Variants in GRID1 observed in about 807,000 individuals in gnomAD.
GRID1 encodes the protein glutamate receptor ionotropic, delta-1.
GRID1 carries 28 observed loss-of-function variants against 98.0 expected under a neutral mutation model. The ratio of observed to expected loss-of-function variants is 0.29; its 90% CI spans 0.21 to 0.39. The LOEUF (loss-of-function observed/expected upper bound fraction) is 0.39. Among genes scored for constraint, GRID1 ranks in the 10% least tolerant of loss-of-function variants. The pLI is 1.00. For missense variants in GRID1, 1,111 were observed against 1,340.5 expected (o/e 0.83, Z 2.67); for synonymous variants, 553 against 538.5 (o/e 1.03, Z -0.37).
chr10:86,080,030 G>A (rs938076751), intron 4 of GRID1, among the ~76,000 whole-genome samples: 12 of 152,116 alleles, frequency 7.9e-5, no homozygotes, highest in Admixed American at 7.2e-4. Flanking sequence ...CATGGCCGAA[G>A]GCTGTTAAGA....
chr10:85,904,181 G>C (rs1035929747), intron 5 of GRID1, among the ~76,000 whole-genome samples: 2 of 152,174 alleles, frequency 1.3e-5, no homozygotes, highest in Non-Finnish European at 2.9e-5. Context: ...AATTAACCAA[G>C]ATGGAGTAAC....
chr10:85,699,112 C>T (rs1841425162), intron 12 of GRID1, among the ~76,000 whole-genome samples: 1 of 151,744 alleles, frequency 6.6e-6, no homozygotes, highest in Admixed American at 6.6e-5. Flanking sequence ...GAGTGCAGTG[C>T]TGTGATCTCA....
rs536418560 is a variant in GRID1, at chr10:86,234,747, G to A, written c.236-28099C>T. Among the ~76,000 whole-genome samples, 3 of 152,182 alleles carry A rather than the reference G, an allele frequency of 2.0e-5. No individual in the cohort carries two copies. The South Asian group carries it at 6.2e-4, about 32-fold the overall frequency. ...TTGTTTTCTACTTTGGAATGCTAAT[G>A]ATGAGAATGGGAGGGTGAGAAAGCA... On this transcript the variant is annotated intron_variant, in intron 2 of 15. Coordinates refer to ENST00000327946, the MANE Select transcript of GRID1 (RefSeq NM_017551.3).
At chr10:86,346,079 G>A (rs993214131) in intron 2 of GRID1, among the ~76,000 whole-genome samples, 1 of 152,188 alleles carries the variant, frequency 6.6e-6, no homozygotes, top group South Asian at 2.1e-4. Context: ...TCATTCTCTT[G>A]TAGCATGCTT....
chr10:85,853,147 G>A (rs1027449565), intron 8 of GRID1, among the ~76,000 whole-genome samples: 17 of 151,590 alleles, frequency 1.1e-4, no homozygotes, highest in African/African-American at 3.2e-4. Flanking sequence ...AGCTCTACAC[G>A]GCTCCCTCCC....
intron 8 of GRID1, among the ~76,000 whole-genome samples, chr10:85,826,179 T>C (rs775967784): frequency 3.0e-4 from 45 of 150,734 alleles, no homozygotes; most frequent in Non-Finnish European, 4.9e-4. Flanking sequence ...AAAAAAAAAA[T>C]ACAAAATTAG....
intron 11 of GRID1, among the ~76,000 whole-genome samples, chr10:85,723,787 T>C (rs913974926): frequency 6.6e-6 from 1 of 152,190 alleles, no homozygotes; most frequent in African/African-American, 2.4e-5. Flanking sequence ...TTATTCTCCT[T>C]ACATAACCTC....
At chr10:85,805,136 A>G (rs1168912717) in intron 8 of GRID1, among the ~76,000 whole-genome samples, 3 of 151,394 alleles carry the variant, frequency 2.0e-5, no homozygotes, top group East Asian at 3.9e-4. Flanking sequence ...ATAATAAAAT[A>G]TAGAAATAAA....
intron 8 of GRID1, among the ~76,000 whole-genome samples, chr10:85,781,440 T>C (rs929018899): frequency 6.6e-6 from 1 of 152,360 alleles, no homozygotes; most frequent in African/African-American, 2.4e-5. Flanking sequence ...TTTTGTAGTA[T>C]GTTTCTGACA....
At chr10:85,834,644 A>G (rs1842897059) in intron 8 of GRID1, among the ~76,000 whole-genome samples, 1 of 152,158 alleles carries the variant, frequency 6.6e-6, no homozygotes, top group Admixed American at 6.5e-5. Context: ...ATGAAAGGTA[A>G]AGGTACCTAA....
intron 8 of GRID1, among the ~76,000 whole-genome samples, chr10:85,832,710 T>A (rs1219658807): frequency 6.6e-6 from 1 of 152,084 alleles, no homozygotes; most frequent in Admixed American, 6.5e-5. Context: ...ACAGGGTGTC[T>A]TACGGCCCCC....
intron 2 of GRID1, among the ~76,000 whole-genome samples, chr10:86,320,840 C>G (rs1465458280): frequency 6.6e-6 from 1 of 152,096 alleles, no homozygotes; most frequent in Non-Finnish European, 1.5e-5. Flanking sequence ...TGGCTCACGC[C>G]TGTAATCCCA....
chr10:85,968,798 A>C (rs560309064), intron 4 of GRID1, among the ~76,000 whole-genome samples: 1 of 152,324 alleles, frequency 6.6e-6, no homozygotes, highest in South Asian at 2.1e-4. Flanking sequence ...CAAACACATA[A>C]GACATGTAGA....
chr10:86,033,856 G>A (rs1391511859), intron 4 of GRID1, among the ~76,000 whole-genome samples: 2 of 152,190 alleles, frequency 1.3e-5, no homozygotes, highest in Non-Finnish European at 2.9e-5. Flanking sequence ...AAACATGCTG[G>A]CTGCATTCCC....
intron 2 of GRID1, among the ~76,000 whole-genome samples, chr10:86,329,834 C>T (rs1848112130): frequency 6.6e-6 from 1 of 152,188 alleles, no homozygotes; most frequent in Non-Finnish European, 1.5e-5. Context: ...TGGCCACCTC[C>T]CTTGAAGCAA....
chr10:86,273,003 C>A (rs1847208577), intron 2 of GRID1, among the ~76,000 whole-genome samples: 1 of 152,078 alleles, frequency 6.6e-6, no homozygotes, highest in African/African-American at 2.4e-5. Flanking sequence ...TGCTGGTGTG[C>A]TACACCCATT....
chr10:86,068,548 T>C (rs140074236), intron 4 of GRID1, among the ~76,000 whole-genome samples: 8 of 152,338 alleles, frequency 5.3e-5, no homozygotes, highest in Non-Finnish European at 1.2e-4. Flanking sequence ...AGAATGTATA[T>C]TTCACTGGTC....
At chr10:85,742,861 T>C (rs1227010945) in intron 8 of GRID1, among the ~76,000 whole-genome samples, 4 of 152,202 alleles carry the variant, frequency 2.6e-5, no homozygotes, top group Non-Finnish European at 4.4e-5. Context: ...CTTAGTTCTC[T>C]TGAGATACTT....
At chr10:86,120,011 A>C (rs1170333376) in intron 4 of GRID1, among the ~76,000 whole-genome samples, 2 of 151,970 alleles carry the variant, frequency 1.3e-5, no homozygotes, top group Non-Finnish European at 2.9e-5. Context: ...CGTGTTAGCA[A>C]GATGGTCTCG....
Sources: gnomAD v4.1 joint callset for allele counts (sites outside exome capture counted in the v4.1 genomes callset) on GRCh38, gnomAD v4.1.1 for gene constraint, MANE v1.5 for transcripts, NCBI Gene and HGNC (gene_info 2026-07-23, HGNC 2026-07-21) for gene names.